The following C11orf16 variants were observed in gnomAD, a reference collection of about 807,000 sequenced individuals.
The protein encoded by C11orf16 is uncharacterized protein C11orf16.
C11orf16 carries 38 observed loss-of-function variants against 45.1 expected under a neutral mutation model. The observed-to-expected ratio is 0.84, with a 90% CI of 0.65 to 1.10. The LOEUF (loss-of-function observed/expected upper bound fraction) is 1.10, where lower values mean the gene tolerates loss of function less well. C11orf16 is among the 50% of genes least tolerant of loss of function. The pLI, the probability that C11orf16 is intolerant of heterozygous loss-of-function variation, is 0.00. For synonymous variants in C11orf16, 221 were observed against 222.0 expected, an observed-to-expected ratio of 1.00 and a Z score of 0.04; for missense variants, 583 against 569.5, an observed-to-expected ratio of 1.02 and a Z score of -0.24.
chr11:8,931,002 G>A (rs74849653), intron 2 of C11orf16, among the ~76,000 whole-genome samples: 3,122 of 152,282 alleles, frequency 0.021, 45 homozygotes, highest in Middle Eastern at 0.034. Flanking sequence ...GGATCAGGCA[G>A]CAGGAATGCG....
At chr11:8,924,973 C>T (rs540372760) in intron 5 of C11orf16, among the ~76,000 whole-genome samples, 61 of 152,312 alleles carry the variant, frequency 4.0e-4, no homozygotes, top group African/African-American at 1.4e-3. Context: ...AGAAGCACAT[C>T]GCAGTGCCCG....
intron 2 of C11orf16, among the ~76,000 whole-genome samples, chr11:8,931,037 C>T (rs1176743443): frequency 6.6e-6 from 1 of 152,156 alleles, no homozygotes; most frequent in Admixed American, 6.5e-5. Context: ...ACACGCTCCA[C>T]ATGTGTATAT....
At position 8,929,518 on chromosome 11, in the gene C11orf16, G is replaced by A. The variant is rs746652892; in HGVS notation, c.183C>T (p.Cys61=). 3 of 1,612,656 alleles carry A rather than the reference G, an allele frequency of 1.9e-6. No individual in the cohort carries two copies. The highest frequency in any genetic ancestry group is 2.2e-5 in the East Asian group (1 of 44,872). ...CTGGGTCGGCAACGTGGAGACATGG[G>A]CAAGAAGAGGCATGCCTGGAAAAAA... The part of the protein sequence containing the change: ...HKPLARHASS[C]PCLHVADPAW... Residue 61 remains cysteine, a synonymous_variant, in exon 3 of 7, where the codon TGC becomes TGT. Coordinates refer to ENST00000326053, the MANE Select transcript of C11orf16 (RefSeq NM_020643.3).
In C11orf16 at chr11:8,921,245, C is replaced by A. The variant is rs1450366273; in HGVS notation, c.*22+49G>T. 2.0e-6 allele frequency: 3 copies of A among 1,478,930 alleles called. No homozygotes were observed. In the East Asian group the frequency reaches 6.8e-5, roughly 33 times the overall value. The allele number at this position is 1,478,930 out of a possible 1,614,324, so 91.6% of individuals were successfully genotyped here. A position where few individuals can be genotyped will look rare whatever the true frequency, so the allele number is the denominator to read the frequency against. On this transcript the variant is annotated intron_variant, in intron 6 of 6. Coordinates refer to ENST00000326053, the MANE Select transcript of C11orf16 (RefSeq NM_020643.3). ...GGGATGTGACCCAAAAGGTCTAAGA[C>A]CCATGTGAGGAGTCCTTAGGAAGCC...
chr11:8,926,824 C>A (rs955207050), intron 4 of C11orf16, 116 bp downstream of exon 4: 7 of 733,040 alleles, frequency 9.5e-6, no homozygotes, highest in Admixed American at 5.7e-5. Context: ...GGGAAAAATT[C>A]TCTTCTTAAT....
rs374178043 is a variant in C11orf16 at position 8,932,260 on chromosome 11, C to T, written c.49G>A (p.Val17Met). ...CCAGGGGCCTTCAGGCTTGTGGCCA[C>T]GCTGCAGTATTTGAGCAAAGGCATC... ...PRMPLLKYCS[V>M]ATSLKAPGWD... The change falls in exon 2 of 7, where the codon GTG becomes ATG. Residue 17 changes from valine to methionine, a missense_variant. Coordinates refer to ENST00000326053, the MANE Select transcript of C11orf16 (RefSeq NM_020643.3). 47 of 1,611,512 alleles carry T rather than the reference C, an allele frequency of 2.9e-5. No homozygotes were observed. Among genetic ancestry groups the T allele is most frequent in the African/African-American group, 6.7e-5 (5 of 74,888 alleles).
chr11:8,924,768 T>G (rs1180736024), intron 5 of C11orf16, among the ~76,000 whole-genome samples: 1 of 152,116 alleles, frequency 6.6e-6, no homozygotes, highest in Non-Finnish European at 1.5e-5. Context: ...GCCAGACTTT[T>G]CCAGGCCACC....
intron 5 of C11orf16, 123 bp from the exon 6 acceptor site, chr11:8,921,638 G>T: frequency 1.1e-6 from 1 of 943,236 alleles, no homozygotes; most frequent in Non-Finnish European, 1.6e-6. Flanking sequence ...CATTTATTAT[G>T]TATTTGAGAC....
intron 5 of C11orf16, among the ~76,000 whole-genome samples, chr11:8,924,779 T>C (rs1254758394): frequency 6.6e-6 from 1 of 152,004 alleles, no homozygotes; most frequent in Non-Finnish European, 1.5e-5. Flanking sequence ...CCAGGCCACC[T>C]CCTTCACACA....
At chr11:8,925,369 A>C in intron 5 of C11orf16, 94 bp downstream of exon 5, 7 of 1,107,270 alleles carry the variant, frequency 6.3e-6, no homozygotes, top group East Asian at 2.4e-5. Context: ...AACAGAGTGG[A>C]CACGTGCATC....
chr11:8,930,151 G>A (rs917910053), intron 2 of C11orf16, among the ~76,000 whole-genome samples: 3 of 151,572 alleles, frequency 2.0e-5, no homozygotes, highest in African/African-American at 4.8e-5. Flanking sequence ...GCCAGGGGCC[G>A]GGAGCAGTGG....
chr11:8,920,813 G>A (rs1389171757), intron 6 of C11orf16, among the ~76,000 whole-genome samples: 2 of 152,144 alleles, frequency 1.3e-5, no homozygotes, highest in African/African-American at 2.4e-5. Context: ...GAGTGACAGA[G>A]TGAGATCCTG....
chr11:8,926,172 CT>C (rs1566112562), intron 4 of C11orf16, 65 bp from the exon 5 acceptor site: 19 of 1,057,612 alleles, frequency 1.8e-5, no homozygotes, highest in East Asian at 5.4e-5. Flanking sequence ...TTTCTTTTTT[CT>C]TTTTTTCTTT....
Position 8,925,616 on chromosome 11 carries a change from G to A in C11orf16, c.1051C>T (p.Leu351=). The A allele has an allele frequency of 6.2e-7, 1 of 1,614,270 alleles. No individual in the cohort carries two copies. The highest frequency in any genetic ancestry group is 8.5e-7 in the Non-Finnish European group (1 of 1,180,050). Residue 351 remains leucine (L), a synonymous_variant, in exon 5 of 7, where the codon CTG becomes TTG. Transcript: ENST00000326053. Reference sequence around the variant, plus strand: ...AGTCTCTGGGGAGGGCCCATCTCCAGATCATTCTCCACACCGTCTTGTTCA... The same window carrying A: ...AGTCTCTGGGGAGGGCCCATCTCCAAATCATTCTCCACACCGTCTTGTTCA... ...SCEQDGVEND[L]EMGPPQRLMV...
In C11orf16 at chr11:8,925,954, T is replaced by C. The variant is rs774037412; in HGVS notation, c.713A>G (p.His238Arg). The C allele has an allele frequency of 1.9e-6, 3 of 1,613,990 alleles. No individual in the cohort carries two copies. Among genetic ancestry groups the C allele is most frequent in the African/African-American group, 1.3e-5 (1 of 74,928 alleles). ...TAGCAGAGAGCAGCAAGGGGCCCAG[T>C]GAAGGGGCCTGGGGTGCTCCCTGGT... Reference protein sequence around the residue: ...SFTREHPRPLHWAPCCSLLGP... With the variant: ...SFTREHPRPLRWAPCCSLLGP... The change falls in exon 5 of 7, where the codon CAC (histidine) becomes CGC (arginine). Residue 238 changes from histidine to arginine, a missense_variant. Coordinates refer to ENST00000326053, the MANE Select transcript of C11orf16 (RefSeq NM_020643.3).
At chr11:8,929,104 A>T (rs1294628916) in intron 3 of C11orf16, 1 of 376,908 alleles carries the variant, frequency 2.7e-6, no homozygotes, top group Non-Finnish European at 4.8e-6. Context: ...CTCAGAAGGA[A>T]CCAACCTTGC....
intron 2 of C11orf16, among the ~76,000 whole-genome samples, chr11:8,930,928 G>C (rs2064645615): frequency 6.6e-6 from 1 of 152,172 alleles, no homozygotes; most frequent in African/African-American, 2.4e-5. Context: ...GGTCCACCGG[G>C]TGGATCACGA....
At chr11:8,924,157 G>A (rs1156768794) in intron 5 of C11orf16, among the ~76,000 whole-genome samples, 1 of 152,082 alleles carries the variant, frequency 6.6e-6, no homozygotes, top group African/African-American at 2.4e-5. Context: ...CACCAGGAAA[G>A]CTTCTCATTA....
At chr11:8,931,206 T>C (rs1287081679) in intron 2 of C11orf16, among the ~76,000 whole-genome samples, 1 of 141,224 alleles carries the variant, frequency 7.1e-6, no homozygotes, top group Admixed American at 7.2e-5. Context: ...GCTGAGCAAG[T>C]CTCTTTTTTT....
Sources: gnomAD v4.1 joint callset for allele counts (sites outside exome capture counted in the v4.1 genomes callset) on GRCh38, gnomAD v4.1.1 for gene constraint, MANE v1.5 for transcripts, NCBI Gene and HGNC (gene_info 2026-07-23, HGNC 2026-07-21) for gene names.